ZNF385B: variants seen among roughly 807,000 people sequenced by gnomAD.
ZNF385B encodes zinc finger protein 385B, also known as zinc finger protein 533.
Under a neutral mutation model 39.2 loss-of-function variants are expected in ZNF385B, and 23 were observed. That is an observed-to-expected ratio of 0.59 (90% CI 0.42 to 0.83). ZNF385B has a LOEUF of 0.83. Among genes scored for constraint, ZNF385B ranks in the 40% least tolerant of loss-of-function variants. The pLI is 0.00. For synonymous variants in ZNF385B, 205 were observed against 222.6 expected, an observed-to-expected ratio of 0.92 and a Z score of 0.70; for missense variants, 552 against 598.9, an observed-to-expected ratio of 0.92 and a Z score of 0.82.
chr2:179,771,478 A>T (rs357694), intron 1 of ZNF385B, among the ~76,000 whole-genome samples: 149,131 of 152,314 alleles, frequency 0.98, 73,088 homozygotes, highest in Middle Eastern at 1. Context: ...AAGAACTCTC[A>T]TACACAAAAT....
At chr2:179,678,879 C>T (rs571251692) in intron 3 of ZNF385B, among the ~76,000 whole-genome samples, 1 of 152,308 alleles carries the variant, frequency 6.6e-6, no homozygotes, top group South Asian at 2.1e-4. Flanking sequence ...CTAAGATTTG[C>T]TATCCACACA....
At chr2:179,850,059 T>C (rs1708998827) in intron 1 of ZNF385B, among the ~76,000 whole-genome samples, 1 of 152,148 alleles carries the variant, frequency 6.6e-6, no homozygotes. Context: ...AATGAGATAA[T>C]GCTGTGGCAT....
At chr2:179,467,303 C>T (rs1441628717) in intron 6 of ZNF385B, among the ~76,000 whole-genome samples, 2 of 152,174 alleles carry the variant, frequency 1.3e-5, no homozygotes, top group Non-Finnish European at 2.9e-5. Context: ...TGCTTTAGCT[C>T]ATAACACCCA....
At chr2:179,849,740 T>C (rs1162229781) in intron 1 of ZNF385B, among the ~76,000 whole-genome samples, 2 of 152,220 alleles carry the variant, frequency 1.3e-5, no homozygotes, top group Admixed American at 6.5e-5. Flanking sequence ...GACACTTGAA[T>C]AGTCATTAAC....
intron 3 of ZNF385B, among the ~76,000 whole-genome samples, chr2:179,680,646 T>A (rs917837110): frequency 6.6e-6 from 1 of 152,212 alleles, no homozygotes; most frequent in African/African-American, 2.4e-5. Context: ...TATACTTCAA[T>A]ATAAAGCTTA....
intron 3 of ZNF385B, among the ~76,000 whole-genome samples, chr2:179,565,825 C>T (rs1399692): frequency 0.58 from 87,753 of 152,070 alleles, 26,116 homozygotes; most frequent in East Asian, 0.96. Flanking sequence ...TGATTTCCTC[C>T]GAAGCTGCAA....
chr2:179,659,431 T>C (rs1204236534), intron 3 of ZNF385B, among the ~76,000 whole-genome samples: 1 of 152,154 alleles, frequency 6.6e-6, no homozygotes, highest in African/African-American at 2.4e-5. Flanking sequence ...TATGCTCTTT[T>C]ATAAAATGAG....
chr2:179,501,882 AAAAAT>A (rs972396585), intron 5 of ZNF385B, among the ~76,000 whole-genome samples: 1 of 152,200 alleles, frequency 6.6e-6, no homozygotes, highest in Non-Finnish European at 1.5e-5. Flanking sequence ...CCCACAAAAT[AAAAAT>A]AAAAGCAAAT....
At chr2:179,676,370 G>T (rs555884618) in intron 3 of ZNF385B, among the ~76,000 whole-genome samples, 5 of 152,126 alleles carry the variant, frequency 3.3e-5, no homozygotes, top group Admixed American at 2.6e-4. Flanking sequence ...TTACAGGCGT[G>T]AGCCACCACG....
At chr2:179,770,931 A>T (rs17825317) in intron 1 of ZNF385B, among the ~76,000 whole-genome samples, 19,770 of 152,132 alleles carry the variant, frequency 0.13, 1,497 homozygotes, top group Non-Finnish European at 0.18. Flanking sequence ...AGTTAATACC[A>T]GGAATACCAG....
chr2:179,756,073 C>A (rs1188487435), intron 3 of ZNF385B, among the ~76,000 whole-genome samples: 1 of 152,094 alleles, frequency 6.6e-6, no homozygotes, highest in East Asian at 1.9e-4. Flanking sequence ...TCTTCCTAGC[C>A]TCAATGGTCT....
chr2:179,735,987 C>CTAA (rs1701729546), intron 3 of ZNF385B, among the ~76,000 whole-genome samples: 1 of 151,012 alleles, frequency 6.6e-6, no homozygotes, highest in African/African-American at 2.4e-5. Context: ...ACGTATGTAA[C>CTAA]CTGCACAATG....
rs184777301 is a variant in ZNF385B, at chr2:179,620,471, C to G, written c.299-75502G>C. Among the ~76,000 whole-genome samples, 3 of 151,956 alleles carry G rather than the reference C, an allele frequency of 2.0e-5. No individual in the cohort carries two copies. In the East Asian group the frequency reaches 5.8e-4, roughly 29 times the overall value. On this transcript the variant is annotated intron_variant, in intron 3 of 9. Coordinates refer to ENST00000410066, the MANE Select transcript of ZNF385B (RefSeq NM_152520.6). ...GGTAATTATAAACTTTTATTACAGA[C>G]CTTCTATAAACAGTGCTCTGAGAAT...
At chr2:179,628,125 G>T (rs1038275501) in intron 3 of ZNF385B, among the ~76,000 whole-genome samples, 5 of 151,900 alleles carry the variant, frequency 3.3e-5, no homozygotes, top group Non-Finnish European at 4.4e-5. Context: ...GTATTTCTAA[G>T]AGATAAGCTC....
chr2:179,695,500 T>TA (rs1468582931), intron 3 of ZNF385B, among the ~76,000 whole-genome samples: 2 of 151,734 alleles, frequency 1.3e-5, no homozygotes, highest in African/African-American at 4.8e-5. Flanking sequence ...AACTCAAGAA[T>TA]AAAAAAACCA....
At chr2:179,780,834 T>G (rs1017143032) in intron 1 of ZNF385B, among the ~76,000 whole-genome samples, 8 of 152,206 alleles carry the variant, frequency 5.3e-5, no homozygotes, top group Non-Finnish European at 1.2e-4. Context: ...CAAAGACAAC[T>G]GTTTTCTTAG....
intron 1 of ZNF385B, 38 bp from the exon 2 acceptor site, chr2:179,770,710 T>C (rs1703964686): frequency 1.3e-5 from 2 of 152,298 alleles, no homozygotes; most frequent in Admixed American, 1.3e-4. Context: ...AGTAAACTGG[T>C]AATTGAAAAG....
Position 179,745,807 on chromosome 2 carries a change from G to GAT in ZNF385B, c.298+23694_298+23695dup, listed in dbSNP as rs909952121. 1.6e-5 allele frequency: 24 copies of GAT among 1,486,362 alleles called. No homozygotes were observed. In the African/African-American group the frequency reaches 3.3e-4, roughly 20 times the overall value. The allele number at this position is 1,486,362 out of a possible 1,614,324, so 92.1% of individuals were successfully genotyped here. A position where few individuals can be genotyped will look rare whatever the true frequency, so the allele number is the denominator to read the frequency against. On this transcript the variant is annotated intron_variant, in intron 3 of 9. Transcript: ENST00000410066. The stretch of plus-strand genomic sequence containing the variant: ...AACAAAACTTCCAGTATGTGACCAG[G>GAT]ATAATGCACAGCGCTACCGAGACTT...
chr2:179,744,797 A>C (rs1401138705), intron 3 of ZNF385B, among the ~76,000 whole-genome samples: 2 of 152,138 alleles, frequency 1.3e-5, no homozygotes, highest in East Asian at 3.8e-4. Flanking sequence ...ACAGACACTT[A>C]ATAAGCACAA....
Sources: allele counts gnomAD v4.1 joint callset (sites outside exome capture counted in the v4.1 genomes callset), GRCh38; gene constraint gnomAD v4.1.1; transcripts MANE v1.5; gene names NCBI Gene and HGNC (gene_info 2026-07-23, HGNC 2026-07-21).